VMP1: variants seen among roughly 807,000 people sequenced by gnomAD.
VMP1 encodes the protein vacuole membrane protein 1.
Under a neutral mutation model 56.0 loss-of-function variants are expected in VMP1, and 11 were observed. The ratio of observed to expected loss-of-function variants is 0.20; its 90% CI spans 0.12 to 0.32. The LOEUF (loss-of-function observed/expected upper bound fraction) is 0.32, where lower values mean the gene tolerates loss of function less well. VMP1 is among the 10% of genes least tolerant of loss of function. VMP1 has a pLI of 1.00. For missense variants in VMP1, 296 were observed against 490.3 expected, an observed-to-expected ratio of 0.60 and a Z score of 3.74; for synonymous variants, 149 against 165.0, an observed-to-expected ratio of 0.90 and a Z score of 0.74.
intron 9 of VMP1, among the ~76,000 whole-genome samples, chr17:59,815,354 T>C (rs192878213): frequency 6.6e-6 from 1 of 152,338 alleles, no homozygotes; most frequent in East Asian, 1.9e-4. Context: ...TTATTTCATG[T>C]ACCATTTAAC....
chr17:59,825,513 T>C (rs915127136), intron 10 of VMP1, among the ~76,000 whole-genome samples: 5 of 152,210 alleles, frequency 3.3e-5, no homozygotes, highest in East Asian at 3.8e-4. Context: ...CATGTTCCCA[T>C]ATTCTCACCA....
chr17:59,794,078 G>T (rs1376583920), intron 7 of VMP1, among the ~76,000 whole-genome samples: 1 of 150,324 alleles, frequency 6.7e-6, no homozygotes, highest in East Asian at 2.0e-4. Flanking sequence ...CTGCCACCAC[G>T]CCTGGCTAAT....
At chr17:59,814,203 T>C (rs922216945) in intron 9 of VMP1, among the ~76,000 whole-genome samples, 5 of 152,172 alleles carry the variant, frequency 3.3e-5, no homozygotes, top group Non-Finnish European at 7.4e-5. Context: ...GGTCTCGAAC[T>C]CCTGACCTCA....
intron 5 of VMP1, among the ~76,000 whole-genome samples, chr17:59,749,170 G>T (rs1292452045): frequency 6.7e-6 from 1 of 149,144 alleles, no homozygotes; most frequent in Non-Finnish European, 1.5e-5. Flanking sequence ...TGTTAGTCAT[G>T]CTGGCCTTGA....
Position 59,739,833 on chromosome 17 carries a change from T to C in VMP1, c.414+886T>C, listed in dbSNP as rs557674586. Among the ~76,000 whole-genome samples the C allele has an allele frequency of 3.2e-3, 478 of 150,462 alleles. 4 individuals carry two copies. Among genetic ancestry groups the C allele is most frequent in the African/African-American group, 0.011 (442 of 40,996 alleles). ...GCTCACACCTGTAATCCCAGCACTTTGGGAGGCCGAGGCAGGCGGATCACA... is the reference window on the plus strand; with the variant it reads ...GCTCACACCTGTAATCCCAGCACTTCGGGAGGCCGAGGCAGGCGGATCACA... On this transcript the variant is annotated intron_variant, in intron 5 of 11. Coordinates refer to ENST00000262291, the MANE Select transcript of VMP1 (RefSeq NM_030938.5).
At position 59,839,980 on chromosome 17, in the gene VMP1, C is replaced by T. The variant is rs2039108895; in HGVS notation, c.*69C>T. Reference sequence around the variant, plus strand: ...TGCCTTAAATTGGGAGGACTCCAAGCCGGGAAGGAAAATTCCCTTTTCCAA... The same window carrying T: ...TGCCTTAAATTGGGAGGACTCCAAGTCGGGAAGGAAAATTCCCTTTTCCAA... On this transcript the variant is annotated 3_prime_UTR_variant, in exon 12 of 12. Transcript: ENST00000262291. 6.4e-7 allele frequency: 1 copy of T among 1,566,438 alleles called. No individual in the cohort carries two copies. Among genetic ancestry groups the T allele is most frequent in the Non-Finnish European group, 8.6e-7 (1 of 1,162,850 alleles).
chr17:59,739,872 G>A (rs902659842), intron 5 of VMP1, among the ~76,000 whole-genome samples: 20 of 151,308 alleles, frequency 1.3e-4, no homozygotes, highest in Non-Finnish European at 2.4e-4. Flanking sequence ...TCAGGAGATC[G>A]AGACCATCCT....
chr17:59,760,520 C>T (rs76243280), intron 5 of VMP1, among the ~76,000 whole-genome samples: 4,714 of 152,126 alleles, frequency 0.031, 111 homozygotes, highest in Non-Finnish European at 0.045. Context: ...TTTATCTACT[C>T]TATTGTTTTT....
At chr17:59,817,642 C>T in intron 9 of VMP1, 70 bp from the exon 10 acceptor site, 1 of 1,174,416 alleles carries the variant, frequency 8.5e-7, no homozygotes, top group Non-Finnish European at 1.2e-6. Context: ...TAGACTATTA[C>T]CAGAATTGTG....
rs562277789 is a variant in VMP1, at chr17:59,756,149, A to G, written c.415-8822A>G. On this transcript the variant is annotated intron_variant, in intron 5 of 11. Coordinates refer to ENST00000262291, the MANE Select transcript of VMP1 (RefSeq NM_030938.5). ...ATTGGGAATCGATATTTTACACTCTAGCCTTCTAGAATTATTTGCTGTAGA... is the reference window on the plus strand; with the variant it reads ...ATTGGGAATCGATATTTTACACTCTGGCCTTCTAGAATTATTTGCTGTAGA... Among the ~76,000 whole-genome samples, 5 of 152,288 alleles carry G rather than the reference A, an allele frequency of 3.3e-5. No homozygotes were observed. In the South Asian group the frequency reaches 1.0e-3, roughly 32 times the overall value.
At chr17:59,737,353 G>T in intron 3 of VMP1, 100 bp from the exon 4 acceptor site, 1 of 1,161,110 alleles carries the variant, frequency 8.6e-7, no homozygotes, top group Non-Finnish European at 1.2e-6. Flanking sequence ...CAGCCCAGCT[G>T]AGCTAGGTAA....
chr17:59,834,668 A>G (rs1341404415), intron 10 of VMP1, among the ~76,000 whole-genome samples: 1 of 145,806 alleles, frequency 6.9e-6, no homozygotes, highest in Non-Finnish European at 1.5e-5. Context: ...TGAGCTGCCC[A>G]GGCTGGAGTG....
intron 7 of VMP1, among the ~76,000 whole-genome samples, chr17:59,797,561 G>A (rs2037487018): frequency 6.6e-6 from 1 of 152,012 alleles, no homozygotes; most frequent in Non-Finnish European, 1.5e-5. Context: ...CATAAAAGAG[G>A]ACATACTGTA....
intron 5 of VMP1, among the ~76,000 whole-genome samples, chr17:59,747,339 C>T (rs912769495): frequency 5.9e-5 from 9 of 152,062 alleles, no homozygotes; most frequent in African/African-American, 2.2e-4. Context: ...AGGGGGATCA[C>T]TTGAGGCCAG....
intron 1 of VMP1, among the ~76,000 whole-genome samples, chr17:59,725,794 A>G (rs1422659772): frequency 6.6e-6 from 1 of 152,198 alleles, no homozygotes; most frequent in African/African-American, 2.4e-5. Flanking sequence ...TTCCAGAGAG[A>G]ATTTTGGAGA....
In VMP1 at chr17:59,809,484, A is replaced by AT. The variant is rs71145575; in HGVS notation, c.795+648dup. 6.7e-3 allele frequency among the ~76,000 whole-genome samples: 353 copies of AT among 52,696 alleles called. 45 individuals carry two copies. Among genetic ancestry groups the AT allele is most frequent in the Non-Finnish European group, 8.4e-3 (265 of 31,620 alleles). The allele number at this position is 52,696 out of a possible 152,430, so 34.6% of individuals were successfully genotyped here. A position where few individuals can be genotyped will look rare whatever the true frequency, so the allele number is the denominator to read the frequency against. ...AGGCGACTGCCACCACACCCAGCTA[A>AT]TTTTTTTTTTTTTTTTTTTTTTTTT... On this transcript the variant is annotated intron_variant, in intron 8 of 11. Transcript: ENST00000262291.
chr17:59,825,737 A>G (rs899981046), intron 10 of VMP1, among the ~76,000 whole-genome samples: 8 of 152,210 alleles, frequency 5.3e-5, no homozygotes, highest in African/African-American at 1.7e-4. Flanking sequence ...CCAGATACAG[A>G]ATGTTCCATG....
In VMP1 at chr17:59,839,830, C is replaced by T; in HGVS notation, c.1140C>T (p.Ile380=). ...TCGTTGTCATGGTGTGTTACTTCAT[C>T]CTATCTATCATTAACTCCATGGCAC... The part of the protein sequence containing the change: ...KLVVVMVCYF[I]LSIINSMAQS... Residue 380 remains isoleucine, a synonymous_variant, in exon 12 of 12, where the codon ATC becomes ATT. Transcript: ENST00000262291. 6.2e-7 allele frequency: 1 copy of T among 1,613,644 alleles called. No homozygotes were observed. The highest frequency in any genetic ancestry group is 8.5e-7 in the Non-Finnish European group (1 of 1,179,930).
intron 6 of VMP1, among the ~76,000 whole-genome samples, chr17:59,766,951 T>G (rs1033316549): frequency 6.6e-6 from 1 of 152,116 alleles, no homozygotes; most frequent in African/African-American, 2.4e-5. Flanking sequence ...GGCTGATTTT[T>G]TTGTATTTTT....
Sources: allele counts gnomAD v4.1 joint callset (sites outside exome capture counted in the v4.1 genomes callset), GRCh38; gene constraint gnomAD v4.1.1; transcripts MANE v1.5; gene names NCBI Gene and HGNC (gene_info 2026-07-23, HGNC 2026-07-21).